The following EDIL3 variants were observed in gnomAD, a reference collection of about 807,000 sequenced individuals.
EDIL3 encodes EGF like and discoidin domains 3.
In EDIL3, 37 loss-of-function variants were observed where a neutral mutation model predicts 67.4. The ratio of observed to expected loss-of-function variants is 0.55; its 90% CI spans 0.42 to 0.72. The LOEUF is 0.72. Ranked by LOEUF, EDIL3 falls within the 30% of genes least tolerant of loss-of-function variation. The probability of loss-of-function intolerance (pLI) is 0.00; values close to 1 mark genes in which losing one functional copy is unlikely to be tolerated. For synonymous variants in EDIL3, 195 were observed against 196.3 expected, an observed-to-expected ratio of 0.99 and a Z score of 0.05; for missense variants, 527 against 586.3, an observed-to-expected ratio of 0.90 and a Z score of 1.04.
At chr5:84,287,494 A>G (rs1745831565) in intron 1 of EDIL3, among the ~76,000 whole-genome samples, 4 of 152,140 alleles carry the variant, frequency 2.6e-5, no homozygotes, top group Admixed American at 2.6e-4. Flanking sequence ...ATATCTGTCA[A>G]AATGATTGCT....
At chr5:84,370,781 C>T (rs1747826339) in intron 1 of EDIL3, among the ~76,000 whole-genome samples, 1 of 152,030 alleles carries the variant, frequency 6.6e-6, no homozygotes, top group South Asian at 2.1e-4. Flanking sequence ...TAATAATGTA[C>T]CATTTGTACC....
At chr5:84,114,162 T>TC (rs1164169960) in intron 5 of EDIL3, among the ~76,000 whole-genome samples, 2 of 150,600 alleles carry the variant, frequency 1.3e-5, no homozygotes, top group African/African-American at 4.9e-5. Context: ...TTTTTTTTTT[T>TC]TTTTTTTTGA....
intron 3 of EDIL3, among the ~76,000 whole-genome samples, chr5:84,217,340 T>C (rs1248090994): frequency 6.6e-6 from 1 of 152,170 alleles, no homozygotes; most frequent in Non-Finnish European, 1.5e-5. Flanking sequence ...CAGTTTGTGT[T>C]TATATTTTTT....
intron 1 of EDIL3, among the ~76,000 whole-genome samples, chr5:84,312,062 A>G (rs1298193532): frequency 2.0e-5 from 3 of 152,066 alleles, no homozygotes; most frequent in Non-Finnish European, 4.4e-5. Flanking sequence ...CCCGTTCTCA[A>G]TGAGCTGTTG....
chr5:84,320,952 G>A (rs954867957), intron 1 of EDIL3, among the ~76,000 whole-genome samples: 1 of 152,104 alleles, frequency 6.6e-6, no homozygotes, highest in African/African-American at 2.4e-5. Flanking sequence ...ACTTTGTGCT[G>A]AGAATTTTGT....
At chr5:84,321,772 C>T (rs546427712) in intron 1 of EDIL3, among the ~76,000 whole-genome samples, 1 of 152,266 alleles carries the variant, frequency 6.6e-6, no homozygotes, top group African/African-American at 2.4e-5. Context: ...GCACTTTCCC[C>T]ATTGTTGCCA....
At chr5:84,096,883 G>A (rs1012634512) in intron 6 of EDIL3, among the ~76,000 whole-genome samples, 9 of 152,170 alleles carry the variant, frequency 5.9e-5, no homozygotes, top group Admixed American at 2.6e-4. Context: ...TCTCATGATA[G>A]TGAATAAGTT....
rs138182278 is a variant in EDIL3 at position 84,224,747 on chromosome 5, T to A, written c.226+5108A>T. The stretch of plus-strand genomic sequence containing the variant: ...GCATATATATTAGACCAAAGTCAGA[T>A]AAATATAGTAGCACAGTTCAGAGAC... On this transcript the variant is annotated intron_variant, in intron 3 of 10. Transcript: ENST00000296591. Among the ~76,000 whole-genome samples, 346 of 151,656 alleles carry A rather than the reference T, an allele frequency of 2.3e-3. 1 individual carries two copies. Among genetic ancestry groups the A allele is most frequent in the African/African-American group, 6.7e-3 (280 of 41,540 alleles).
intron 9 of EDIL3, among the ~76,000 whole-genome samples, chr5:83,976,487 A>C (rs1034280001): frequency 4.6e-5 from 7 of 152,034 alleles, no homozygotes; most frequent in African/African-American, 1.7e-4. Flanking sequence ...ACTTTTTAGC[A>C]GACACATTTT....
At chr5:84,382,354 CTGCA>C (rs1307708911) in intron 1 of EDIL3, among the ~76,000 whole-genome samples, 1 of 152,196 alleles carries the variant, frequency 6.6e-6, no homozygotes, top group Middle Eastern at 3.2e-3. Context: ...GAGCTCCTGG[CTGCA>C]GCGAGCCGGG....
At chr5:84,380,043 T>A (rs1015541157) in intron 1 of EDIL3, among the ~76,000 whole-genome samples, 5 of 152,054 alleles carry the variant, frequency 3.3e-5, no homozygotes, top group Non-Finnish European at 5.9e-5. Flanking sequence ...ATACATTCAG[T>A]TTAAGTATTT....
rs1178764009 is a variant in EDIL3, at chr5:84,220,848, CATGCATAAGG to C, written c.226+8997_226+9006del. ...AAAGCATTTTTGTGCCCTCTCTGGT[CATGCATAAGG>C]ATGCATATGGCCACAGTAGCTGTTG... On this transcript the variant is annotated intron_variant, in intron 3 of 10. Transcript: ENST00000296591. Among the ~76,000 whole-genome samples, 28 of 152,212 alleles carry C rather than the reference CATGCATAAGG, an allele frequency of 1.8e-4. No homozygotes were observed. In the South Asian group the frequency reaches 5.4e-3, roughly 29 times the overall value.
chr5:84,324,979 T>G (rs553739213), intron 1 of EDIL3, among the ~76,000 whole-genome samples: 1 of 151,616 alleles, frequency 6.6e-6, no homozygotes. Context: ...AAATGTTTAA[T>G]GACAAACTAA....
chr5:84,303,674 T>G (rs1318400203), intron 1 of EDIL3, among the ~76,000 whole-genome samples: 1 of 152,228 alleles, frequency 6.6e-6, no homozygotes, highest in Admixed American at 6.5e-5. Flanking sequence ...CAAAAGTTAA[T>G]AGTTAAAAAT....
At chr5:84,179,547 A>G (rs1048549074) in intron 4 of EDIL3, among the ~76,000 whole-genome samples, 1 of 152,208 alleles carries the variant, frequency 6.6e-6, no homozygotes, top group African/African-American at 2.4e-5. Flanking sequence ...GCTCTCGCTG[A>G]CAAATCCAGC....
intron 2 of EDIL3, among the ~76,000 whole-genome samples, chr5:84,237,822 T>C (rs1035546215): frequency 3.3e-5 from 5 of 152,194 alleles, no homozygotes; most frequent in African/African-American, 7.2e-5. Context: ...ATTATATTTC[T>C]GCCATTTTCC....
At chr5:84,342,696 T>C (rs1747140229) in intron 1 of EDIL3, among the ~76,000 whole-genome samples, 1 of 152,006 alleles carries the variant, frequency 6.6e-6, no homozygotes, top group African/African-American at 2.4e-5. Flanking sequence ...GTTTTGGCCA[T>C]GAGAGGTGAA....
chr5:84,196,870 C>T (rs1368103078), intron 3 of EDIL3: 1 of 151,610 alleles, frequency 6.6e-6, no homozygotes, highest in Non-Finnish European at 1.5e-5. Flanking sequence ...TGCTTTTTTT[C>T]CTGAGGAATT....
At chr5:83,985,173 T>C (rs1745038654) in intron 9 of EDIL3, among the ~76,000 whole-genome samples, 1 of 150,938 alleles carries the variant, frequency 6.6e-6, no homozygotes, top group Admixed American at 6.7e-5. Flanking sequence ...TCGTATGCTA[T>C]ATTTCCTTGC....
Sources: allele counts gnomAD v4.1 joint callset (sites outside exome capture counted in the v4.1 genomes callset), GRCh38; gene constraint gnomAD v4.1.1; transcripts MANE v1.5; gene names NCBI Gene and HGNC (gene_info 2026-07-23, HGNC 2026-07-21).